Variants in TAF13 observed in about 807,000 individuals in gnomAD.
TAF13 encodes the protein TATA-box binding protein associated factor 13.
In TAF13, 9 loss-of-function variants were observed where a neutral mutation model predicts 18.7. That is an observed-to-expected ratio of 0.48 (90% CI 0.29 to 0.84). The LOEUF (loss-of-function observed/expected upper bound fraction) is 0.84, where lower values mean the gene tolerates loss of function less well. TAF13 is among the 40% of genes least tolerant of loss of function. The probability of loss-of-function intolerance (pLI) is 0.08; values close to 1 mark genes in which losing one functional copy is unlikely to be tolerated. For missense variants in TAF13, 105 were observed against 146.5 expected (o/e 0.72, Z 1.46); for synonymous variants, 49 against 44.1 (o/e 1.11, Z -0.44).
At chr1:109,066,356 G>T (rs139186811) in intron 2 of TAF13, 124 bp from the exon 3 acceptor site, 1 of 723,330 alleles carries the variant, frequency 1.4e-6, no homozygotes. Flanking sequence ...TATTTACATC[G>T]TATTTGTTAT....
At chr1:109,070,550 C>G (rs763851432) in intron 2 of TAF13, among the ~76,000 whole-genome samples, 1 of 151,568 alleles carries the variant, frequency 6.6e-6, no homozygotes, top group Non-Finnish European at 1.5e-5. Context: ...TGCACCACCA[C>G]GCCGAGCTAA....
chr1:109,068,863 G>A (rs1227571352), intron 2 of TAF13, among the ~76,000 whole-genome samples: 3 of 152,114 alleles, frequency 2.0e-5, no homozygotes, highest in Non-Finnish European at 1.5e-5. Flanking sequence ...TTAGGGGGGC[G>A]TGGTGGCACG....
chr1:109,069,083 T>C (rs934054368), intron 2 of TAF13, among the ~76,000 whole-genome samples: 1 of 152,178 alleles, frequency 6.6e-6, no homozygotes, highest in African/African-American at 2.4e-5. Flanking sequence ...TGGGCATTTT[T>C]CTGGGAATAA....
At chr1:109,067,567 G>A (rs186619307) in intron 2 of TAF13, among the ~76,000 whole-genome samples, 90 of 152,174 alleles carry the variant, frequency 5.9e-4, no homozygotes, top group African/African-American at 1.9e-3. Flanking sequence ...CTGAGAATGC[G>A]CCACTGCACT....
intron 3 of TAF13, among the ~76,000 whole-genome samples, chr1:109,065,845 C>T (rs994007112): frequency 6.0e-5 from 9 of 150,142 alleles, no homozygotes; most frequent in Non-Finnish European, 1.3e-4. Flanking sequence ...CCCTTGAATC[C>T]GGGAGACGGA....
intron 2 of TAF13, among the ~76,000 whole-genome samples, chr1:109,073,079 GC>G (rs1190330512): frequency 2.0e-5 from 3 of 151,794 alleles, no homozygotes; most frequent in Non-Finnish European, 4.4e-5. Flanking sequence ...CAAAGCCCAA[GC>G]CCCAACTCAC....
intron 2 of TAF13, 148 bp downstream of exon 2, chr1:109,074,839 T>C (rs1664154544): frequency 3.1e-6 from 2 of 640,176 alleles, no homozygotes; most frequent in South Asian, 2.0e-5. Context: ...ATTGGTACTA[T>C]CTGATTCAAA....
chr1:109,074,567 GATCA>G (rs1176500980), intron 2 of TAF13, among the ~76,000 whole-genome samples: 2 of 151,794 alleles, frequency 1.3e-5, no homozygotes, highest in East Asian at 3.9e-4. Flanking sequence ...ACCCAAGAAT[GATCA>G]ATAAATACTA....
chr1:109,069,099 A>T (rs1055873047), intron 2 of TAF13, among the ~76,000 whole-genome samples: 1 of 152,160 alleles, frequency 6.6e-6, no homozygotes, highest in Non-Finnish European at 1.5e-5. Context: ...AATAATTATA[A>T]CTTTTATCAG....
At chr1:109,067,256 G>C (rs1240288280) in intron 2 of TAF13, among the ~76,000 whole-genome samples, 1 of 151,936 alleles carries the variant, frequency 6.6e-6, no homozygotes, top group Non-Finnish European at 1.5e-5. Context: ...TCAGGAGTTT[G>C]AGACAAGCCT....
chr1:109,066,768 G>C (rs529878297), intron 2 of TAF13, among the ~76,000 whole-genome samples: 1 of 152,258 alleles, frequency 6.6e-6, no homozygotes, highest in Admixed American at 6.5e-5. Flanking sequence ...CCAAGCTGGA[G>C]TGCAGTGGCA....
intron 2 of TAF13, among the ~76,000 whole-genome samples, chr1:109,071,860 G>T (rs144942665): frequency 6.6e-6 from 1 of 150,616 alleles, no homozygotes; most frequent in Non-Finnish European, 1.5e-5. Flanking sequence ...GCTGAAGCAG[G>T]AGAGTCGCTT....
chr1:109,067,106 A>T (rs893353660), intron 2 of TAF13, among the ~76,000 whole-genome samples: 16 of 152,200 alleles, frequency 1.1e-4, no homozygotes, highest in African/African-American at 3.9e-4. Flanking sequence ...TTCCTAGATC[A>T]ATACAACTGC....
At chr1:109,065,325 C>T (rs763331777) in intron 3 of TAF13, among the ~76,000 whole-genome samples, 4 of 151,872 alleles carry the variant, frequency 2.6e-5, no homozygotes, top group Non-Finnish European at 4.4e-5. Flanking sequence ...CCTGTCTCTA[C>T]AAAAAATTCA....
chr1:109,072,399 G>A (rs986509903), intron 2 of TAF13, among the ~76,000 whole-genome samples: 7 of 151,804 alleles, frequency 4.6e-5, no homozygotes, highest in African/African-American at 1.7e-4. Context: ...TGAGGGGGTA[G>A]GATGGAGAAT....
chr1:109,069,572 T>G (rs1664015781), intron 2 of TAF13, among the ~76,000 whole-genome samples: 2 of 152,066 alleles, frequency 1.3e-5, no homozygotes, highest in Admixed American at 1.3e-4. Context: ...GCCGACTGTA[T>G]AGCATACATA....
rs202046028 is a variant in TAF13, at chr1:109,075,133, A to ATT, written c.28-70_28-69dup. On this transcript the variant is annotated intron_variant, in intron 1 of 3. Transcript: ENST00000338366. ...TTGCATTTGATATTTTAATAATGACATTTTTTTTTCCTTTTCAACAGATAG... is the reference window on the plus strand; with the variant it reads ...TTGCATTTGATATTTTAATAATGACATTTTTTTTTTTCCTTTTCAACAGATAG... 17 of 1,358,724 alleles carry ATT rather than the reference A, an allele frequency of 1.3e-5. No homozygotes were observed. In the African/African-American group the frequency reaches 2.2e-4, roughly 18 times the overall value. 84.2% of individuals were successfully genotyped at this position (1,358,724 alleles called of 1,614,324 possible). A position where few individuals can be genotyped will look rare whatever the true frequency, so the allele number is the denominator to read the frequency against.
At chr1:109,074,069 G>C (rs1288707956) in intron 2 of TAF13, among the ~76,000 whole-genome samples, 1 of 152,240 alleles carries the variant, frequency 6.6e-6, no homozygotes, top group Non-Finnish European at 1.5e-5. Flanking sequence ...CACCCTGTCT[G>C]GGAGGTGTAC....
At chr1:109,074,902 C>T (rs993411342) in intron 2 of TAF13, 85 bp downstream of exon 2, 122 of 992,656 alleles carry the variant, frequency 1.2e-4, no homozygotes, top group Non-Finnish European at 1.7e-4. Context: ...TACAGGGAAA[C>T]ATTCAAAGCA....
Sources: gnomAD v4.1 joint callset for allele counts (sites outside exome capture counted in the v4.1 genomes callset) on GRCh38, gnomAD v4.1.1 for gene constraint, MANE v1.5 for transcripts, NCBI Gene and HGNC (gene_info 2026-07-23, HGNC 2026-07-21) for gene names.